The following PBK variants were observed in gnomAD, a reference collection of about 807,000 sequenced individuals.
The protein encoded by PBK is PDZ binding kinase.
Under a neutral mutation model 33.5 loss-of-function variants are expected in PBK, and 22 were observed. The ratio of observed to expected loss-of-function variants is 0.66; its 90% CI spans 0.47 to 0.94. PBK has a LOEUF of 0.94. PBK is among the 40% of genes least tolerant of loss of function. The probability of loss-of-function intolerance (pLI) is 0.00; values close to 1 mark genes in which losing one functional copy is unlikely to be tolerated. For missense variants in PBK, 376 were observed against 383.4 expected, an observed-to-expected ratio of 0.98 and a Z score of 0.16; for synonymous variants, 129 against 123.8, an observed-to-expected ratio of 1.04 and a Z score of -0.28.
At chr8:27,819,916 T>TAA (rs1243979660) in intron 6 of PBK, among the ~76,000 whole-genome samples, 2 of 152,212 alleles carry the variant, frequency 1.3e-5, no homozygotes, top group African/African-American at 2.4e-5. Flanking sequence ...ACTCAACTTG[T>TAA]AAACTTTTAC....
chr8:27,816,359 T>TATATATATATATATATATATATATATA (rs1563489324), intron 6 of PBK, among the ~76,000 whole-genome samples: 43 of 126,414 alleles, frequency 3.4e-4, no homozygotes, highest in African/African-American at 4.4e-4. Context: ...ATATATATAT[T>TATATATATATATATATATATATATATA]TATTTATTTA....
At chr8:27,826,544 C>CTTTTTGACTAAA (rs1255427035) in intron 3 of PBK, among the ~76,000 whole-genome samples, 1 of 108,898 alleles carries the variant, frequency 9.2e-6, no homozygotes, top group East Asian at 4.8e-4. Flanking sequence ...CAGCTATTTG[C>CTTTTTGACTAAA]CCAGCACTTT....
chr8:27,829,957 C>T lies in PBK; in HGVS notation c.59-1759G>A, dbSNP rs190779526. ...GTGGCTCACGCCTGTAATCCCAGCA[C>T]TTTGGGAGGCTGAGGCAGGTGGATC... On this transcript the variant is annotated intron_variant, in intron 2 of 7. Coordinates refer to ENST00000301905, the MANE Select transcript of PBK (RefSeq NM_018492.4). 7.9e-3 allele frequency among the ~76,000 whole-genome samples: 1,194 copies of T among 152,086 alleles called. 12 individuals are homozygous for T. The highest frequency in any genetic ancestry group is 0.027 in the African/African-American group (1,131 of 41,450).
intron 3 of PBK, among the ~76,000 whole-genome samples, chr8:27,827,500 G>T (rs922282694): frequency 2.0e-5 from 3 of 152,060 alleles, no homozygotes; most frequent in Admixed American, 6.5e-5. Flanking sequence ...ACTCCAGCCT[G>T]GTCAACAGAG....
At chr8:27,827,308 G>A (rs1806044234) in intron 3 of PBK, among the ~76,000 whole-genome samples, 2 of 152,206 alleles carry the variant, frequency 1.3e-5, no homozygotes, top group South Asian at 4.1e-4. Flanking sequence ...AGCATTTTGG[G>A]AGGCGAAGGC....
At chr8:27,818,391 A>G (rs1236016963) in intron 6 of PBK, among the ~76,000 whole-genome samples, 2 of 152,238 alleles carry the variant, frequency 1.3e-5, no homozygotes, top group Non-Finnish European at 2.9e-5. Context: ...AGAGTTGAGG[A>G]TATTTCAGTG....
In PBK at chr8:27,810,380, A is replaced by G. The variant is rs756731963; in HGVS notation, c.894T>C (p.Ser298=). ...ESYQKVIELF[S]VCTNEDPKDR... ...CTTTAGGGTCTTCATTAGTGCATAC[A>G]GAGAAGAGTTCAATTACTTTCTGGT... The change falls in exon 8 of 8, where the codon TCT becomes TCC. Residue 298 remains serine, a synonymous_variant. Coordinates refer to ENST00000301905, the MANE Select transcript of PBK (RefSeq NM_018492.4). The G allele has an allele frequency of 1.9e-6, 3 of 1,611,466 alleles. No homozygotes were observed. The Admixed American group carries it at 5.0e-5, about 27-fold the overall frequency.
intron 4 of PBK, 112 bp from the exon 5 acceptor site, chr8:27,822,600 C>T: frequency 1.6e-6 from 1 of 639,228 alleles, no homozygotes; most frequent in Non-Finnish European, 2.6e-6. Context: ...GACAAATATA[C>T]AATGAAACAG....
intron 7 of PBK, 45 bp downstream of exon 7, chr8:27,810,913 G>T: frequency 8.3e-7 from 1 of 1,201,646 alleles, no homozygotes; most frequent in Non-Finnish European, 1.2e-6. Context: ...AATCTTTAGT[G>T]TGAAATGAAG....
rs749430716 is a variant in PBK at position 27,833,074 on chromosome 8, A to G, written c.40T>C (p.Ser14Pro). Residue 14 changes from serine (S) to proline (P), a missense_variant, in exon 2 of 8, where the codon TCA becomes CCA. Physicochemically the swap from Ser to Pro is moderately conservative, Grantham distance 74. Transcript: ENST00000301905. Reference protein sequence around the residue: ...ISNFKTPSKLSEKKKSVLCST... With the variant: ...ISNFKTPSKLPEKKKSVLCST... ...ATCTTACCAGATTTCTTTTTTTCTG[A>G]TAATTTGCTTGGTGTCTTGAAATTA... 4 of 1,594,200 alleles carry G rather than the reference A, an allele frequency of 2.5e-6. No individual in the cohort carries two copies. In the Admixed American group the frequency reaches 7.1e-5, roughly 28 times the overall value.
intron 6 of PBK, among the ~76,000 whole-genome samples, chr8:27,815,889 T>G (rs1805800596): frequency 6.6e-6 from 1 of 152,238 alleles, no homozygotes; most frequent in African/African-American, 2.4e-5. Context: ...GATGGATTGT[T>G]CTGACAACAA....
At chr8:27,833,154 A>C (rs983918261) in intron 1 of PBK, 21 bp from the exon 2 acceptor site, 4 of 1,265,516 alleles carry the variant, frequency 3.2e-6, no homozygotes, top group Non-Finnish European at 4.5e-6. Flanking sequence ...AACAAATTGC[A>C]AGTTACACAG....
chr8:27,828,854 G>A (rs1258260280), intron 2 of PBK, among the ~76,000 whole-genome samples: 2 of 150,436 alleles, frequency 1.3e-5, no homozygotes, highest in East Asian at 2.0e-4. Context: ...TTACCATCTC[G>A]CCATTAACTA....
In PBK at chr8:27,809,804, C is replaced by T. The variant is rs1364705594; in HGVS notation, c.*501G>A. The T allele has an allele frequency of 6.6e-6, 1 of 152,420 alleles. No homozygotes were observed. The highest frequency in any genetic ancestry group is 1.5e-5 in the Non-Finnish European group (1 of 68,232). The allele number at this position is 152,420 out of a possible 1,614,324, so 9.4% of individuals were successfully genotyped here. The stretch of plus-strand genomic sequence containing the variant: ...TCCAAGAGATCAAGACAATCTGTAA[C>T]CAGAGTCTGAAGTATCCAAGGAGCT... On this transcript the variant is annotated 3_prime_UTR_variant, in exon 8 of 8. Coordinates refer to ENST00000301905, the MANE Select transcript of PBK (RefSeq NM_018492.4).
In PBK at chr8:27,822,362, G is replaced by T; in HGVS notation, c.422C>A (p.Ala141Asp). 6.2e-7 allele frequency: 1 copy of T among 1,612,826 alleles called. No homozygotes were observed. Among genetic ancestry groups the T allele is most frequent in the Non-Finnish European group, 8.5e-7 (1 of 1,179,560 alleles). Residue 141 changes from alanine (A) to aspartate (D), a missense_variant, in exon 5 of 8, where the codon GCC (alanine) becomes GAC (aspartate). By Grantham distance (126) the Ala-to-Asp change is moderately radical. Transcript: ENST00000301905. ...YKASQDPFPA[A>D]IILKVALNMA... ...ATTCAAAGCAACTTTTAAAATTATGGCTGCTGGAAAAGGATCTTGGCTGGC... is the reference window on the plus strand; with the variant it reads ...ATTCAAAGCAACTTTTAAAATTATGTCTGCTGGAAAAGGATCTTGGCTGGC...
chr8:27,828,122 AT>A lies in PBK; in HGVS notation c.134del (p.Asn45MetfsTer4). On this transcript the variant is annotated frameshift_variant, in exon 3 of 8. Coordinates refer to ENST00000301905, the MANE Select transcript of PBK (RefSeq NM_018492.4). LOFTEE classifies it high-confidence loss of function. ...ATACTTACCTTTTCATTAGGTACAC[AT>A]TTACCCCAGTACCAAAGCCAAGCTT... ...MQKLGFGTGV[N>X]VYLMKRSPRG... is the part of the protein sequence containing the mutation. 6.5e-7 allele frequency: 1 copy of A among 1,545,986 alleles called. No individual in the cohort carries two copies. The highest frequency in any genetic ancestry group is 8.9e-7 in the Non-Finnish European group (1 of 1,119,948).
intron 6 of PBK, among the ~76,000 whole-genome samples, chr8:27,816,744 ATTTT>A (rs922611632): frequency 6.6e-6 from 1 of 151,610 alleles, no homozygotes; most frequent in South Asian, 2.1e-4. Flanking sequence ...AGATTTGGGT[ATTTT>A]TTTTCAAACT....
At chr8:27,820,434 A>G in intron 6 of PBK, 131 bp downstream of exon 6, 2 of 594,502 alleles carry the variant, frequency 3.4e-6, no homozygotes. Context: ...GGAGAGAGAG[A>G]AAAAAAGGGG....
chr8:27,832,727 T>C (rs1806152775), intron 2 of PBK, among the ~76,000 whole-genome samples: 1 of 152,186 alleles, frequency 6.6e-6, no homozygotes, highest in Non-Finnish European at 1.5e-5. Flanking sequence ...CCTTTGTCCA[T>C]TGAGTTGCCT....
Sources: allele counts gnomAD v4.1 joint callset (sites outside exome capture counted in the v4.1 genomes callset), GRCh38; gene constraint gnomAD v4.1.1; transcripts MANE v1.5; gene names NCBI Gene and HGNC (gene_info 2026-07-23, HGNC 2026-07-21).